Variants in ZNF250 observed in about 807,000 individuals in gnomAD.
ZNF250 encodes the protein zinc finger protein 250.
In ZNF250, 13 loss-of-function variants were observed where a neutral mutation model predicts 37.1. The observed-to-expected ratio is 0.35, with a 90% confidence interval of 0.23 to 0.56. ZNF250 has a LOEUF of 0.56. ZNF250 is among the 20% of genes least tolerant of loss of function. The pLI is 0.87. For missense variants in ZNF250, 474 were observed against 697.9 expected, an observed-to-expected ratio of 0.68 and a Z score of 3.61; for synonymous variants, 251 against 265.6, an observed-to-expected ratio of 0.94 and a Z score of 0.54.
chr8:144,902,158 C>G (rs2129944791), upstream of ZNF250: 1 of 152,434 alleles, frequency 6.6e-6, no homozygotes, highest in South Asian at 2.1e-4. Flanking sequence ...GTCTCCGTCG[C>G]CCACTCGGCC....
At chr8:144,889,314 A>G (rs1332516711) in intron 4 of ZNF250, among the ~76,000 whole-genome samples, 1 of 152,258 alleles carries the variant, frequency 6.6e-6, no homozygotes, top group Non-Finnish European at 1.5e-5. Context: ...GGTCAGGGAC[A>G]GAATCACTGC....
Position 144,877,561 on chromosome 8 carries a change from A to G in ZNF250, c.*3954T>C, listed in dbSNP as rs1445678550. ...AGGTAGATAGCCCACATGTTCCAGT[A>G]GGTCATGTGCCACCTCTTTCTCCTT... On this transcript the variant is annotated 3_prime_UTR_variant, in exon 6 of 6. Coordinates refer to ENST00000417550, the MANE Select transcript of ZNF250 (RefSeq NM_001109689.4). 1 of 152,204 alleles carries G rather than the reference A, an allele frequency of 6.6e-6. No homozygotes were observed. The allele number at this position is 152,204 out of a possible 1,614,324, so 9.4% of individuals were successfully genotyped here.
At chr8:144,893,725 C>T (rs1017579663) in intron 1 of ZNF250, among the ~76,000 whole-genome samples, 1 of 152,168 alleles carries the variant, frequency 6.6e-6, no homozygotes, top group African/African-American at 2.4e-5. Context: ...ACCAATCACA[C>T]CTGGGCTGTG....
At chr8:144,887,392 CAAGACA>C (rs2129755734) in intron 4 of ZNF250, among the ~76,000 whole-genome samples, 1 of 151,958 alleles carries the variant, frequency 6.6e-6, no homozygotes, top group South Asian at 2.1e-4. Flanking sequence ...ACTGCCAGGA[CAAGACA>C]AAGGCATATC....
chr8:144,890,004 C>T lies in ZNF250; in HGVS notation c.98G>A (p.Arg33His), dbSNP rs750606892. 2.2e-5 allele frequency: 36 copies of T among 1,613,228 alleles called. No individual in the cohort carries two copies. The highest frequency in any genetic ancestry group is 2.8e-5 in the Non-Finnish European group (33 of 1,179,628). ...GAGACCCCTCTGAGCAGGGCACAGG[C>T]GGTCCCATTCATCCTGGGAGAGGAG... ...AVLLSQDEWD[R>H]LCPAQRGLYR... Residue 33 changes from arginine to histidine, a missense_variant, in exon 3 of 6, where the codon CGC becomes CAC. Arg to His is a conservative substitution (Grantham distance 29). Transcript: ENST00000417550. The surrounding 1 kb of genome is among the most constrained non-coding windows in gnomAD (Gnocchi z 5.1).
intron 1 of ZNF250, among the ~76,000 whole-genome samples, chr8:144,900,569 TA>T (rs1833032326): frequency 6.6e-6 from 1 of 152,222 alleles, no homozygotes; most frequent in Admixed American, 6.5e-5. Flanking sequence ...TTTTCAATTT[TA>T]AAATTAAGCC....
chr8:144,895,576 A>C (rs1832662035), intron 1 of ZNF250, among the ~76,000 whole-genome samples: 1 of 152,138 alleles, frequency 6.6e-6, no homozygotes, highest in Non-Finnish European at 1.5e-5. Flanking sequence ...ACTCCAAAGG[A>C]CAATACCAGG....
At position 144,882,049 on chromosome 8, in the gene ZNF250, A is replaced by C. The variant is rs757285092; in HGVS notation, c.1134T>G (p.Ile378Met). Reference sequence around the variant, plus strand: ...CCCCGGTGTGCACGTTGTGGTGCTGAATGAGGACTGAGCGGTCGCTGAAGG... The same window carrying C: ...CCCCGGTGTGCACGTTGTGGTGCTGCATGAGGACTGAGCGGTCGCTGAAGG... ...GKAFSDRSVL[I>M]QHHNVHTGEK... The change falls in exon 6 of 6, where the codon ATT (isoleucine) becomes ATG (methionine). Residue 378 changes from isoleucine to methionine, a missense_variant. Ile to Met is a conservative substitution (Grantham distance 10). Around this residue, in one of 2 missense-constraint regions of ZNF250, gnomAD observed 282 missense variants for 470.4 expected, o/e 0.60. Coordinates refer to ENST00000417550, the MANE Select transcript of ZNF250 (RefSeq NM_001109689.4). The surrounding 1 kb of genome is among the most constrained non-coding windows in gnomAD (Gnocchi z 5.5). 6.2e-7 allele frequency: 1 copy of C among 1,608,696 alleles called. No homozygotes were observed. Among genetic ancestry groups the C allele is most frequent in the Non-Finnish European group, 8.5e-7 (1 of 1,178,496 alleles).
intron 1 of ZNF250, among the ~76,000 whole-genome samples, chr8:144,899,775 G>A (rs1185419434): frequency 6.6e-6 from 1 of 152,092 alleles, no homozygotes; most frequent in Non-Finnish European, 1.5e-5. Context: ...CTATGATTTA[G>A]AGGAAAAAAG....
chr8:144,894,637 C>T (rs900621608), intron 1 of ZNF250, among the ~76,000 whole-genome samples: 6 of 150,942 alleles, frequency 4.0e-5, no homozygotes, highest in African/African-American at 9.8e-5. Flanking sequence ...TACAAATTGC[C>T]AGGCAATGTA....
At chr8:144,888,595 CAAAAAA>C (rs36073563) in intron 4 of ZNF250, among the ~76,000 whole-genome samples, 1 of 54,666 alleles carries the variant, frequency 1.8e-5, no homozygotes, top group Non-Finnish European at 4.6e-5. Flanking sequence ...AAGACTGTCT[CAAAAAA>C]AAAAAAAAAA....
In ZNF250 at chr8:144,893,608, G is replaced by A. The variant is rs530619668; in HGVS notation, c.-54-3205C>T. On this transcript the variant is annotated intron_variant, in intron 1 of 5. Coordinates refer to ENST00000417550, the MANE Select transcript of ZNF250 (RefSeq NM_001109689.4). ...GGCCTCCTAGAGTGCTGGAATTACA[G>A]GCTTGAGTCACTGCGCCTAGCCCTG... 9.3e-4 allele frequency among the ~76,000 whole-genome samples: 142 copies of A among 152,312 alleles called. 1 individual carries two copies. The highest frequency in any genetic ancestry group is 3.2e-3 in the African/African-American group (134 of 41,570).
intron 1 of ZNF250, among the ~76,000 whole-genome samples, chr8:144,893,846 C>T (rs904768528): frequency 6.6e-6 from 1 of 152,200 alleles, no homozygotes; most frequent in Non-Finnish European, 1.5e-5. Flanking sequence ...AGGCTTTCGA[C>T]TAGGCTAACT....
At chr8:144,888,594 T>TGGCGA (rs1328435141) in intron 4 of ZNF250, among the ~76,000 whole-genome samples, 1,509 of 79,088 alleles carry the variant, frequency 0.019, 17 homozygotes, top group Non-Finnish European at 0.024. Context: ...CAAGACTGTC[T>TGGCGA]CAAAAAAAAA....
intron 1 of ZNF250, among the ~76,000 whole-genome samples, chr8:144,894,327 C>G (rs1832561455): frequency 6.6e-6 from 1 of 152,154 alleles, no homozygotes; most frequent in Non-Finnish European, 1.5e-5. Context: ...CTCCATCTAC[C>G]TTCCTGTGAG....
rs777069040 is a variant in ZNF250 at position 144,882,793 on chromosome 8, C to T, written c.390G>A (p.Pro130=). The T allele has an allele frequency of 3.7e-4, 593 of 1,613,308 alleles. No homozygotes were observed. The highest frequency in any genetic ancestry group is 4.7e-4 in the Non-Finnish European group (552 of 1,179,626). ...CTGTTTGCTCTGAAATTAATGGCTT[C>T]GGACTCAAGTCTGTATTTTGACTCT... ...KGESQNTDLS[P]KPLISEQTVI... The change falls in exon 6 of 6, where the codon CCG becomes CCA. Residue 130 remains proline (P), a synonymous_variant. Coordinates refer to ENST00000417550, the MANE Select transcript of ZNF250 (RefSeq NM_001109689.4). The surrounding 1 kb of genome is among the most constrained non-coding windows in gnomAD (Gnocchi z 5.5).
At chr8:144,886,375 G>A (rs993382314) in intron 5 of ZNF250, among the ~76,000 whole-genome samples, 17 of 152,076 alleles carry the variant, frequency 1.1e-4, no homozygotes, top group Non-Finnish European at 2.5e-4. Flanking sequence ...GAGACTACTC[G>A]CTCAATCATC....
Position 144,881,571 on chromosome 8 carries a change from C to A in ZNF250, c.1612G>T (p.Ala538Ser). ...KPYECGECGR[A>S]FNQHGHLIQH... is the part of the protein sequence containing the mutation. The stretch of plus-strand genomic sequence containing the variant: ...ATTAGGTGGCCATGCTGGTTGAAGG[C>A]ACGCCCACACTCCCCGCACTCATAG... The change falls in exon 6 of 6, where the codon GCC (alanine) becomes TCC (serine). Residue 538 changes from alanine to serine, a missense_variant. Physicochemically the swap from Ala to Ser is moderately conservative, Grantham distance 99. Around this residue, in one of 2 missense-constraint regions of ZNF250, gnomAD observed 282 missense variants for 470.4 expected, o/e 0.60. Coordinates refer to ENST00000417550, the MANE Select transcript of ZNF250 (RefSeq NM_001109689.4). The A allele has an allele frequency of 1.2e-6, 2 of 1,609,894 alleles. No homozygotes were observed. The highest frequency in any genetic ancestry group is 1.7e-6 in the Non-Finnish European group (2 of 1,176,666).
intron 1 of ZNF250, among the ~76,000 whole-genome samples, chr8:144,899,301 A>G (rs1311900518): frequency 6.6e-6 from 1 of 152,170 alleles, no homozygotes; most frequent in Non-Finnish European, 1.5e-5. Flanking sequence ...GATATAATGA[A>G]TAAGTTCCAG....
Sources: gnomAD v4.1 joint callset for allele counts (sites outside exome capture counted in the v4.1 genomes callset) on GRCh38, gnomAD v4.1.1 for gene constraint, gnomAD v4.1.1 regional missense constraint, Gnocchi (gnomAD v3.1) non-coding constraint, MANE v1.5 for transcripts, NCBI Gene and HGNC (gene_info 2026-07-23, HGNC 2026-07-21) for gene names.